The following UBE2E2 variants were observed in gnomAD, a reference collection of about 807,000 sequenced individuals.
UBE2E2 encodes ubiquitin conjugating enzyme E2 E2, also known as ubiquitin-conjugating enzyme E2 E2.
Under a neutral mutation model 24.7 loss-of-function variants are expected in UBE2E2, and 6 were observed. The observed-to-expected ratio is 0.24, with a 90% confidence interval of 0.13 to 0.48. The LOEUF (loss-of-function observed/expected upper bound fraction) is 0.48. UBE2E2 is among the 20% of genes least tolerant of loss of function. The pLI is 0.99. For synonymous variants in UBE2E2, 104 were observed against 83.6 expected (o/e 1.24, Z -1.33); for missense variants, 169 against 245.0 (o/e 0.69, Z 2.07).
intron 3 of UBE2E2, among the ~76,000 whole-genome samples, chr3:23,241,871 C>A (rs1697268125): frequency 1.3e-5 from 2 of 152,164 alleles, no homozygotes. Flanking sequence ...CCTGCCACAT[C>A]TTCCCTATCA....
chr3:23,488,957 T>C (rs1699438824), intron 3 of UBE2E2, among the ~76,000 whole-genome samples: 1 of 152,226 alleles, frequency 6.6e-6, no homozygotes, highest in South Asian at 2.1e-4. Context: ...TTGAAAAATA[T>C]ACTCAGATGC....
chr3:23,371,214 G>T (rs576974255), intron 3 of UBE2E2, among the ~76,000 whole-genome samples: 8 of 152,106 alleles, frequency 5.3e-5, no homozygotes, highest in Middle Eastern at 3.4e-3. Context: ...ATTTTTTGTA[G>T]AGATGGTAGT....
At chr3:23,445,160 A>G (rs1434164777) in intron 3 of UBE2E2, among the ~76,000 whole-genome samples, 1 of 152,192 alleles carries the variant, frequency 6.6e-6, no homozygotes, top group Non-Finnish European at 1.5e-5. Flanking sequence ...TGGCCACTCT[A>G]TTATGGGCTC....
intron 3 of UBE2E2, among the ~76,000 whole-genome samples, chr3:23,453,433 G>A (rs1698609700): frequency 6.6e-6 from 1 of 151,944 alleles, no homozygotes; most frequent in South Asian, 2.1e-4. Flanking sequence ...TATGTCTTAA[G>A]GGAAGTTAAA....
At chr3:23,223,036 T>G (rs1176443653) in intron 3 of UBE2E2, among the ~76,000 whole-genome samples, 1 of 134,212 alleles carries the variant, frequency 7.5e-6, no homozygotes, top group Non-Finnish European at 1.6e-5. Flanking sequence ...TTTTTTTTTT[T>G]TTTTGAGTTG....
intron 3 of UBE2E2, among the ~76,000 whole-genome samples, chr3:23,288,630 C>A (rs898763794): frequency 6.6e-6 from 1 of 152,118 alleles, no homozygotes; most frequent in African/African-American, 2.4e-5. Context: ...GTTATATCCT[C>A]TTGCTGAATT....
intron 3 of UBE2E2, among the ~76,000 whole-genome samples, chr3:23,223,811 G>C (rs1174962065): frequency 1.3e-5 from 2 of 152,054 alleles, no homozygotes; most frequent in South Asian, 2.1e-4. Flanking sequence ...ATTTTGGTTT[G>C]ATTTTTTTTG....
intron 3 of UBE2E2, among the ~76,000 whole-genome samples, chr3:23,301,534 T>C (rs1699092318): frequency 6.6e-6 from 1 of 152,234 alleles, no homozygotes; most frequent in Admixed American, 6.5e-5. Flanking sequence ...TGTTGGAGTT[T>C]GCTAGAGGTC....
chr3:23,524,348 C>G (rs1694942246), intron 4 of UBE2E2, among the ~76,000 whole-genome samples: 1 of 152,046 alleles, frequency 6.6e-6, no homozygotes, highest in Admixed American at 6.6e-5. Flanking sequence ...TAACTAGTAA[C>G]TAGGGGATGT....
chr3:23,327,189 A>T (rs1487830462), intron 3 of UBE2E2, among the ~76,000 whole-genome samples: 1 of 152,030 alleles, frequency 6.6e-6, no homozygotes, highest in Non-Finnish European at 1.5e-5. Flanking sequence ...ATATATACCC[A>T]GTAATGGAAT....
chr3:23,416,206 C>T (rs948513910), intron 3 of UBE2E2, among the ~76,000 whole-genome samples: 6 of 152,132 alleles, frequency 3.9e-5, no homozygotes, highest in African/African-American at 1.2e-4. Context: ...AGTAAACATA[C>T]GTGTGCATGT....
chr3:23,294,530 T>C (rs1698854794), intron 3 of UBE2E2, among the ~76,000 whole-genome samples: 1 of 150,026 alleles, frequency 6.7e-6, no homozygotes, highest in Non-Finnish European at 1.5e-5. Flanking sequence ...ATGTAGTAAG[T>C]GCAGCGTTTA....
chr3:23,524,936 A>G (rs777505865), intron 4 of UBE2E2, among the ~76,000 whole-genome samples: 1 of 151,978 alleles, frequency 6.6e-6, no homozygotes, highest in Non-Finnish European at 1.5e-5. Context: ...TTACAGACTT[A>G]GTGGCTTGAA....
intron 3 of UBE2E2, among the ~76,000 whole-genome samples, chr3:23,291,235 C>T (rs925148492): frequency 3.9e-5 from 6 of 152,164 alleles, no homozygotes; most frequent in African/African-American, 1.2e-4. Flanking sequence ...AGACCTTACT[C>T]ACTGGCTGCA....
chr3:23,452,642 A>G (rs924316844), intron 3 of UBE2E2, among the ~76,000 whole-genome samples: 3 of 152,160 alleles, frequency 2.0e-5, no homozygotes, highest in Non-Finnish European at 2.9e-5. Flanking sequence ...TGTTACCCAA[A>G]TGGTTGAGTT....
At chr3:23,530,719 A>G (rs1320149429) in intron 4 of UBE2E2, among the ~76,000 whole-genome samples, 1 of 152,210 alleles carries the variant, frequency 6.6e-6, no homozygotes, top group Non-Finnish European at 1.5e-5. Flanking sequence ...AAGACTAGCC[A>G]TTCGAGTTTC....
intron 3 of UBE2E2, among the ~76,000 whole-genome samples, chr3:23,401,999 G>A (rs1697235617): frequency 1.3e-5 from 2 of 152,048 alleles, no homozygotes; most frequent in African/African-American, 4.8e-5. Flanking sequence ...TGGGATTACA[G>A]GCGTGCACTA....
At chr3:23,551,186 T>G (rs556943741) in intron 5 of UBE2E2, among the ~76,000 whole-genome samples, 1 of 152,258 alleles carries the variant, frequency 6.6e-6, no homozygotes, top group East Asian at 1.9e-4. Context: ...CCATAAAATA[T>G]TACCACGGAC....
chr3:23,272,496 C>G (rs1404048747), intron 3 of UBE2E2, among the ~76,000 whole-genome samples: 2 of 152,318 alleles, frequency 1.3e-5, no homozygotes, highest in African/African-American at 4.8e-5. Context: ...GTGGCCAGAG[C>G]AGACGCCAAG....
Sources: allele counts gnomAD v4.1 joint callset (sites outside exome capture counted in the v4.1 genomes callset), GRCh38; gene constraint gnomAD v4.1.1; transcripts MANE v1.5; gene names NCBI Gene and HGNC (gene_info 2026-07-23, HGNC 2026-07-21).